Variants in ACBD3 observed in about 807,000 individuals in gnomAD.
The protein encoded by ACBD3 is Golgi resident protein GCP60.
A neutral mutation model predicts 66.9 loss-of-function variants in ACBD3; 30 were observed. The observed-to-expected ratio is 0.45, with a 90% CI of 0.34 to 0.61. The LOEUF (loss-of-function observed/expected upper bound fraction) is 0.61. ACBD3 is among the 20% of genes least tolerant of loss of function. ACBD3 has a pLI of 0.02. For missense variants in ACBD3, 544 were observed against 664.5 expected, an observed-to-expected ratio of 0.82 and a Z score of 1.99; for synonymous variants, 278 against 259.8, an observed-to-expected ratio of 1.07 and a Z score of -0.68.
At chr1:226,180,960 T>C (rs1302278308) in intron 1 of ACBD3, among the ~76,000 whole-genome samples, 9 of 150,150 alleles carry the variant, frequency 6.0e-5, no homozygotes, top group East Asian at 3.9e-4. Flanking sequence ...GATCGCGCCA[T>C]TGCACTCCAG....
rs148261889 is a variant in ACBD3 at position 226,169,124 on chromosome 1, A to C, written c.287-3124T>G. ...GTGATCCACCCATCTCAGCCTCCCA[A>C]AGTATTGAGATTACAGGCGTGAGCC... is the stretch of plus-strand genomic sequence containing the variant. On this transcript the variant is annotated intron_variant, in intron 1 of 7. Transcript: ENST00000366812. 5.1e-3 allele frequency among the ~76,000 whole-genome samples: 772 copies of C among 152,084 alleles called. 4 individuals carry two copies. The highest frequency in any genetic ancestry group is 0.018 in the African/African-American group (739 of 41,504).
At chr1:226,166,962 A>C (rs140311809) in intron 1 of ACBD3, among the ~76,000 whole-genome samples, 1 of 151,090 alleles carries the variant, frequency 6.6e-6, no homozygotes, top group Non-Finnish European at 1.5e-5. Context: ...ACATCTGGTT[A>C]ATTTTTTACT....
At chr1:226,171,047 G>C (rs1659984208) in intron 1 of ACBD3, among the ~76,000 whole-genome samples, 1 of 152,044 alleles carries the variant, frequency 6.6e-6, no homozygotes, top group African/African-American at 2.4e-5. Flanking sequence ...CAAAGTGCTG[G>C]GATTATAGAC....
chr1:226,157,748 C>T (rs930169663), intron 5 of ACBD3, among the ~76,000 whole-genome samples: 1 of 152,146 alleles, frequency 6.6e-6, no homozygotes, highest in Non-Finnish European at 1.5e-5. Flanking sequence ...CCCTATGTTG[C>T]CCAGGCTGGT....
chr1:226,167,117 C>T (rs1456534739), intron 1 of ACBD3, among the ~76,000 whole-genome samples: 1 of 152,058 alleles, frequency 6.6e-6, no homozygotes, highest in African/African-American at 2.4e-5. Context: ...TTTAAAATAG[C>T]TTTTAAAAAT....
rs772025363 is a variant in ACBD3 at position 226,186,370 on chromosome 1, G to A, written c.286+20C>T. The A allele has an allele frequency of 1.1e-5, 17 of 1,505,374 alleles. No individual in the cohort carries two copies. The highest frequency in any genetic ancestry group is 5.6e-5 in the East Asian group (2 of 35,458). The allele number at this position is 1,505,374 out of a possible 1,614,324, so 93.3% of individuals were successfully genotyped here. A position where few individuals can be genotyped will look rare whatever the true frequency, so the allele number is the denominator to read the frequency against. On this transcript the variant is annotated intron_variant, in intron 1 of 7. Coordinates refer to ENST00000366812, the MANE Select transcript of ACBD3 (RefSeq NM_022735.4). ...CCGGGGCCGGGCAGAAGCGGCGGGGGTGGGGCTGGCCCGGCTCACCTTTGA... is the reference window on the plus strand; with the variant it reads ...CCGGGGCCGGGCAGAAGCGGCGGGGATGGGGCTGGCCCGGCTCACCTTTGA...
rs185144395 is a variant in ACBD3 at position 226,178,036 on chromosome 1, T to G, written c.286+8354A>C. Among the ~76,000 whole-genome samples the G allele has an allele frequency of 4.0e-3, 604 of 151,796 alleles. 1 individual carries two copies. Among genetic ancestry groups the G allele is most frequent in the Non-Finnish European group, 6.3e-3 (426 of 67,936 alleles). ...TGCTGGGATTACAGACGTGAGCCAC[T>G]ACACCCAGCCCAAGCCAATAAATTT... is the stretch of plus-strand genomic sequence containing the variant. On this transcript the variant is annotated intron_variant, in intron 1 of 7. Coordinates refer to ENST00000366812, the MANE Select transcript of ACBD3 (RefSeq NM_022735.4).
chr1:226,147,656 A>AG (rs1659481800), intron 7 of ACBD3, among the ~76,000 whole-genome samples: 1 of 152,242 alleles, frequency 6.6e-6, no homozygotes, highest in Admixed American at 6.5e-5. Context: ...ATAGGCATTC[A>AG]GAGATACTCT....
At chr1:226,157,500 A>C (rs889300115) in intron 5 of ACBD3, among the ~76,000 whole-genome samples, 10 of 152,080 alleles carry the variant, frequency 6.6e-5, no homozygotes, top group Non-Finnish European at 1.5e-4. Flanking sequence ...CAGCCTCCCA[A>C]AGTGCTGGGA....
At chr1:226,158,380 T>C (rs1659712725) in intron 5 of ACBD3, among the ~76,000 whole-genome samples, 1 of 152,184 alleles carries the variant, frequency 6.6e-6, no homozygotes, top group African/African-American at 2.4e-5. Context: ...CTGCACAAGA[T>C]GTAAAAAATG....
intron 1 of ACBD3, among the ~76,000 whole-genome samples, chr1:226,184,684 C>T (rs1052650771): frequency 6.6e-6 from 1 of 151,972 alleles, no homozygotes; most frequent in Non-Finnish European, 1.5e-5. Context: ...GTATACTACA[C>T]GTTACAGTGT....
In ACBD3 at chr1:226,145,194, C is replaced by T. The variant is rs1402616777; in HGVS notation, c.*1416G>A. The stretch of plus-strand genomic sequence containing the variant: ...CAGTTTCTGAACAACCAAAAGAGAA[C>T]AGAGTTAGATATGTACAAAACCAGG... On this transcript the variant is annotated 3_prime_UTR_variant, in exon 8 of 8. Coordinates refer to ENST00000366812, the MANE Select transcript of ACBD3 (RefSeq NM_022735.4). The T allele has an allele frequency of 6.6e-6, 1 of 152,266 alleles. No homozygotes were observed. The highest frequency in any genetic ancestry group is 1.9e-4 in the East Asian group (1 of 5,184). 9.4% of individuals were successfully genotyped at this position (152,266 alleles called of 1,614,324 possible).
rs542377650 is a variant in ACBD3 at position 226,173,263 on chromosome 1, C to A, written c.287-7263G>T. ...TCCAGCCTGAGTGACAGAGTGAGAC[C>A]CTGTCTCAAAACGAAACAAAATTCA... On this transcript the variant is annotated intron_variant, in intron 1 of 7. Transcript: ENST00000366812. 2.0e-5 allele frequency among the ~76,000 whole-genome samples: 3 copies of A among 152,120 alleles called. No homozygotes were observed. In the East Asian group the frequency reaches 5.8e-4, roughly 29 times the overall value.
At chr1:226,162,684 A>G (rs1396075742) in intron 3 of ACBD3, among the ~76,000 whole-genome samples, 1 of 151,940 alleles carries the variant, frequency 6.6e-6, no homozygotes, top group African/African-American at 2.4e-5. Flanking sequence ...TATTTCATAA[A>G]CCTACCACGA....
intron 1 of ACBD3, among the ~76,000 whole-genome samples, chr1:226,169,159 A>ACC (rs539959253): frequency 6.6e-6 from 1 of 151,694 alleles, no homozygotes. Flanking sequence ...CACTGTGCCC[A>ACC]CCCCCTTCTC....
intron 5 of ACBD3, among the ~76,000 whole-genome samples, chr1:226,155,398 C>A (rs9661268): frequency 2.3e-4 from 22 of 93,872 alleles, no homozygotes; most frequent in African/African-American, 4.7e-4. Flanking sequence ...GCCTGAGCAA[C>A]AAAAGCGAAA....
chr1:226,174,439 A>C (rs4653721), intron 1 of ACBD3, among the ~76,000 whole-genome samples: 96,553 of 151,978 alleles, frequency 0.64, 30,919 homozygotes, highest in African/African-American at 0.7. Flanking sequence ...TAATGAAACC[A>C]CACTAAAAGG....
intron 1 of ACBD3, among the ~76,000 whole-genome samples, chr1:226,175,419 A>G (rs1055589344): frequency 3.9e-5 from 6 of 152,244 alleles, no homozygotes; most frequent in Admixed American, 2.6e-4. Flanking sequence ...AGCCGACTTA[A>G]CTAAGTCTTA....
At position 226,146,733 on chromosome 1, in the gene ACBD3, A is replaced by C. The variant is rs1558121703; in HGVS notation, c.1464T>G (p.His488Gln). 2.5e-6 allele frequency: 4 copies of C among 1,614,084 alleles called. No individual in the cohort carries two copies. Among genetic ancestry groups the C allele is most frequent in the Non-Finnish European group, 3.4e-6 (4 of 1,180,020 alleles). ...GATGGCTGCCAGCATACACCTCCTCATGACAGTCCCGTCGGTACACAGGCA... is the reference window on the plus strand; with the variant it reads ...GATGGCTGCCAGCATACACCTCCTCCTGACAGTCCCGTCGGTACACAGGCA... ...EIVPVYRRDC[H>Q]EEVYAGSHQY... is the part of the protein sequence containing the mutation. Residue 488 changes from histidine to glutamine, a missense_variant, in exon 8 of 8, where the codon CAT becomes CAG. Physicochemically the swap from His to Gln is conservative, Grantham distance 24. Transcript: ENST00000366812.
Sources: allele counts gnomAD v4.1 joint callset (sites outside exome capture counted in the v4.1 genomes callset), GRCh38; gene constraint gnomAD v4.1.1; transcripts MANE v1.5; gene names NCBI Gene and HGNC (gene_info 2026-07-23, HGNC 2026-07-21).